Variants in PCDHGA1 observed in about 807,000 individuals in gnomAD.
The protein encoded by PCDHGA1 is protocadherin gamma subfamily A, 1.
Under a neutral mutation model 58.0 loss-of-function variants are expected in PCDHGA1, and 32 were observed. The ratio of observed to expected loss-of-function variants is 0.55; its 90% CI spans 0.42 to 0.74. PCDHGA1 has a LOEUF of 0.74. PCDHGA1 is among the 30% of genes least tolerant of loss of function. PCDHGA1 has a pLI of 0.00. For synonymous variants in PCDHGA1, 498 were observed against 501.1 expected (o/e 0.99, Z 0.08); for missense variants, 1,205 against 1,182.3 (o/e 1.02, Z -0.28).
chr5:141,409,867 C>A (rs376725837), intron 1 of PCDHGA1: 201 of 1,612,544 alleles, frequency 1.2e-4, no homozygotes, highest in Middle Eastern at 8.2e-4. Context: ...TGGGAGACCG[C>A]AATGACAACG....
At chr5:141,370,427 A>G (rs372276982) in intron 1 of PCDHGA1, 205 of 1,590,086 alleles carry the variant, frequency 1.3e-4, no homozygotes, top group Non-Finnish European at 1.7e-4. Context: ...GGGGCCCAGC[A>G]GGGCAGAGGC....
chr5:141,356,520 G>T, intron 1 of PCDHGA1: 1 of 1,613,802 alleles, frequency 6.2e-7, no homozygotes, highest in South Asian at 1.1e-5. Context: ...ATATTTCACT[G>T]CAAGTGATGG....
intron 3 of PCDHGA1, among the ~76,000 whole-genome samples, chr5:141,506,320 G>A (rs1054880362): frequency 8.6e-5 from 13 of 151,966 alleles, no homozygotes; most frequent in South Asian, 8.3e-4. Flanking sequence ...ATGGTGGTGC[G>A]TGCCTGTAGT....
At chr5:141,422,090 AGGCTTCTGAAATATTCCAATT>A (rs1561798894) in intron 1 of PCDHGA1, 11 of 1,611,852 alleles carry the variant, frequency 6.8e-6, no homozygotes, top group Non-Finnish European at 9.3e-6. Flanking sequence ...ATGGAAAGCA[AGGCTTCTGAAATATTCCAATT>A]GGATTCACAA....
Position 141,432,943 on chromosome 5 carries a change from A to G in PCDHGA1, c.2422-61864A>G, listed in dbSNP as rs1200038728. ...ACAAGTCACGCCTGCTGCAGGCTTC[A>G]GGAGGCGGCTTGACAGGAGCGCCGG... On this transcript the variant is annotated intron_variant, in intron 1 of 3. Transcript: ENST00000517417. This position sits in a 1 kb window ranked among gnomAD's most constrained non-coding sequence, Gnocchi z 6.0. 5.6e-6 allele frequency: 9 copies of G among 1,614,168 alleles called. No homozygotes were observed. The highest frequency in any genetic ancestry group is 1.7e-4 in the Middle Eastern group (1 of 6,060).
At chr5:141,354,496 G>A (rs1018182133) in intron 1 of PCDHGA1, among the ~76,000 whole-genome samples, 1 of 152,226 alleles carries the variant, frequency 6.6e-6, no homozygotes, top group African/African-American at 2.4e-5. Flanking sequence ...TGAACAGTAG[G>A]TGAGTTTTTT....
At chr5:141,384,090 A>T in intron 1 of PCDHGA1, 3 of 1,596,410 alleles carry the variant, frequency 1.9e-6, no homozygotes, top group Non-Finnish European at 2.6e-6. Flanking sequence ...TAGAAAAATC[A>T]ATAGATAATT....
intron 1 of PCDHGA1, chr5:141,419,479 C>T (rs764891283): frequency 6.2e-7 from 1 of 1,612,390 alleles, no homozygotes; most frequent in Non-Finnish European, 8.5e-7. Context: ...AGGGCTCGCC[C>T]GCGCTCAGCG....
At chr5:141,370,981 T>G in intron 1 of PCDHGA1, 1 of 1,613,994 alleles carries the variant, frequency 6.2e-7, no homozygotes, top group Non-Finnish European at 8.5e-7. Context: ...GAGCTAGTAC[T>G]GAAAGCACCC....
chr5:141,489,943 A>G lies in PCDHGA1; in HGVS notation c.2422-4864A>G. ...CCTTATCTCTGTCATCGTGCTGGAC[A>G]TCAATGATAATGCTCCAACCTTCCA... On this transcript the variant is annotated intron_variant, in intron 1 of 3. Transcript: ENST00000517417. The surrounding 1 kb of genome is among the most constrained non-coding windows in gnomAD (Gnocchi z 4.5). 5.6e-6 allele frequency: 9 copies of G among 1,614,190 alleles called. No homozygotes were observed. Among genetic ancestry groups the G allele is most frequent in the Non-Finnish European group, 7.6e-6 (9 of 1,180,016 alleles).
intron 1 of PCDHGA1, among the ~76,000 whole-genome samples, chr5:141,387,106 A>G (rs2090822229): frequency 6.6e-6 from 1 of 152,238 alleles, no homozygotes; most frequent in African/African-American, 2.4e-5. Context: ...GAATCACATA[A>G]TATTCCTGTA....
intron 1 of PCDHGA1, chr5:141,410,715 G>A: frequency 1.4e-6 from 2 of 1,422,782 alleles, no homozygotes; most frequent in Non-Finnish European, 1.9e-6. Context: ...AGAATCATAT[G>A]TTTAAAATCC....
At chr5:141,411,227 G>A (rs1276536852) in intron 1 of PCDHGA1, 1 of 152,092 alleles carries the variant, frequency 6.6e-6, no homozygotes, top group Non-Finnish European at 1.5e-5. Context: ...TCAAATTTGC[G>A]AAGACTTAGT....
intron 1 of PCDHGA1, chr5:141,366,142 G>C (rs368467114): frequency 6.2e-7 from 1 of 1,614,176 alleles, no homozygotes; most frequent in African/African-American, 1.3e-5. Context: ...ACGCCTGGCT[G>C]TCCTACCGCC....
At chr5:141,421,080 C>G in intron 1 of PCDHGA1, 1 of 638,368 alleles carries the variant, frequency 1.6e-6, no homozygotes, top group South Asian at 2.1e-5. Flanking sequence ...GATGGATACT[C>G]ACAGATCCTG....
chr5:141,375,608 T>G (rs1771640619), intron 1 of PCDHGA1: 1 of 1,614,000 alleles, frequency 6.2e-7, no homozygotes, highest in South Asian at 1.1e-5. Context: ...GTCCATCAAC[T>G]CCGACACTGG....
intron 2 of PCDHGA1, among the ~76,000 whole-genome samples, chr5:141,498,945 G>C (rs1421135706): frequency 8.0e-6 from 1 of 125,434 alleles, no homozygotes; most frequent in Non-Finnish European, 1.6e-5. Context: ...AAGAAAGAAA[G>C]AAAAAGAGAG....
intron 1 of PCDHGA1, chr5:141,371,015 TCAC>T: frequency 1.9e-6 from 3 of 1,613,966 alleles, no homozygotes; most frequent in Non-Finnish European, 2.5e-6. Flanking sequence ...AGCAGCCACA[TCAC>T]CACCTGGTCC....
At chr5:141,404,080 C>T (rs369802030) in intron 1 of PCDHGA1, 6 of 1,613,516 alleles carry the variant, frequency 3.7e-6, no homozygotes, top group Non-Finnish European at 4.2e-6. Context: ...ACCGAGACTC[C>T]GGGAAGAATG....
Sources: gnomAD v4.1 joint callset for allele counts (sites outside exome capture counted in the v4.1 genomes callset) on GRCh38, gnomAD v4.1.1 for gene constraint, Gnocchi (gnomAD v3.1) non-coding constraint, MANE v1.5 for transcripts, NCBI Gene and HGNC (gene_info 2026-07-23, HGNC 2026-07-21) for gene names.